Variants in SLC35F3 observed in about 807,000 individuals in gnomAD.
The protein encoded by SLC35F3 is solute carrier family 35 member F3, also known as putative thiamine transporter SLC35F3.
Under a neutral mutation model 49.9 loss-of-function variants are expected in SLC35F3, and 25 were observed. The ratio of observed to expected loss-of-function variants is 0.50; its 90% CI spans 0.37 to 0.70. SLC35F3 has a LOEUF of 0.70. Among genes scored for constraint, SLC35F3 ranks in the 30% least tolerant of loss-of-function variants. The pLI, the probability that SLC35F3 is intolerant of heterozygous loss-of-function variation, is 0.00. For synonymous variants in SLC35F3, 275 were observed against 265.4 expected (o/e 1.04, Z -0.35); for missense variants, 525 against 639.8 (o/e 0.82, Z 1.94).
intron 2 of SLC35F3, among the ~76,000 whole-genome samples, chr1:234,134,803 C>T (rs1025277571): frequency 6.6e-6 from 1 of 152,126 alleles, no homozygotes; most frequent in African/African-American, 2.4e-5. Context: ...TTCACTGCAA[C>T]CTCTGCCTCA....
intron 3 of SLC35F3, among the ~76,000 whole-genome samples, chr1:234,252,912 A>C (rs144204686): frequency 4.0e-4 from 61 of 152,348 alleles, no homozygotes; most frequent in African/African-American, 1.4e-3. Context: ...ATGGACGATA[A>C]AGTTTGAACA....
rs558693605 is a variant in SLC35F3, at chr1:234,210,787, G to A, written c.284-20630G>A. The stretch of plus-strand genomic sequence containing the variant: ...ATTTGTAGCCTCAATGCAATAGAAA[G>A]GAAAATCCCATTTTCCGGGGAGAAA... On this transcript the variant is annotated intron_variant, in intron 2 of 7. Coordinates refer to ENST00000366618, the MANE Select transcript of SLC35F3 (RefSeq NM_173508.4). Among the ~76,000 whole-genome samples, 103 of 152,350 alleles carry A rather than the reference G, an allele frequency of 6.8e-4. 1 individual carries two copies. The highest frequency in any genetic ancestry group is 2.4e-3 in the African/African-American group (101 of 41,588).
chr1:233,946,149 G>C (rs1348953008), intron 2 of SLC35F3, among the ~76,000 whole-genome samples: 1 of 152,208 alleles, frequency 6.6e-6, no homozygotes, highest in Non-Finnish European at 1.5e-5. Context: ...AGAAATACTT[G>C]ACAGAGCCCA....
chr1:234,234,739 G>T (rs1455420770), intron 3 of SLC35F3, among the ~76,000 whole-genome samples: 1 of 152,120 alleles, frequency 6.6e-6, no homozygotes, highest in Non-Finnish European at 1.5e-5. Flanking sequence ...TGCCACTCAT[G>T]ACGGGAGGCT....
intron 2 of SLC35F3, among the ~76,000 whole-genome samples, chr1:234,074,063 G>A (rs1664760481): frequency 6.6e-6 from 1 of 152,088 alleles, no homozygotes; most frequent in African/African-American, 2.4e-5. Context: ...TAATGTGCTT[G>A]GTGCTACATT....
chr1:234,225,664 T>C (rs934314457), intron 2 of SLC35F3, among the ~76,000 whole-genome samples: 3 of 152,220 alleles, frequency 2.0e-5, no homozygotes, highest in African/African-American at 7.2e-5. Context: ...ATTTGTTGAA[T>C]GAGTGGCCTA....
intron 2 of SLC35F3, among the ~76,000 whole-genome samples, chr1:234,170,110 A>G (rs1666378291): frequency 1.3e-5 from 2 of 151,946 alleles, no homozygotes; most frequent in African/African-American, 4.8e-5. Context: ...CTCCAGCCCC[A>G]CTCTCTCAGC....
At chr1:233,937,032 G>A (rs779613204) in intron 2 of SLC35F3, among the ~76,000 whole-genome samples, 56 of 152,132 alleles carry the variant, frequency 3.7e-4, no homozygotes, top group Non-Finnish European at 4.1e-4. Flanking sequence ...GTGATAACAA[G>A]ACTTGCCAGT....
intron 2 of SLC35F3, among the ~76,000 whole-genome samples, chr1:233,986,019 C>T (rs1324676186): frequency 2.6e-5 from 4 of 152,146 alleles, no homozygotes; most frequent in Non-Finnish European, 5.9e-5. Context: ...CCTTGAGCAA[C>T]TTACTTAAGG....
At chr1:233,954,466 A>G (rs1282572219) in intron 2 of SLC35F3, among the ~76,000 whole-genome samples, 1 of 152,148 alleles carries the variant, frequency 6.6e-6, no homozygotes, top group Non-Finnish European at 1.5e-5. Context: ...GTCTCAGAAA[A>G]CTAGAGTGCT....
intron 3 of SLC35F3, among the ~76,000 whole-genome samples, chr1:234,270,140 T>C (rs2102973917): frequency 6.6e-6 from 1 of 152,346 alleles, no homozygotes; most frequent in East Asian, 1.9e-4. Flanking sequence ...TTAAAAATTC[T>C]CACTAATACA....
intron 2 of SLC35F3, among the ~76,000 whole-genome samples, chr1:234,174,335 G>A (rs150983313): frequency 2.0e-5 from 3 of 152,330 alleles, no homozygotes; most frequent in South Asian, 4.1e-4. Context: ...CCTTCCATCT[G>A]TTAGTTCACT....
intron 2 of SLC35F3, among the ~76,000 whole-genome samples, chr1:233,965,708 T>A (rs1258941194): frequency 1.3e-5 from 2 of 152,172 alleles, no homozygotes; most frequent in African/African-American, 4.8e-5. Context: ...AGCCTCCAGA[T>A]GAGAACACAG....
At chr1:234,314,163 C>T (rs1325396490) in intron 4 of SLC35F3, among the ~76,000 whole-genome samples, 9 of 152,172 alleles carry the variant, frequency 5.9e-5, no homozygotes, top group Non-Finnish European at 8.8e-5. Flanking sequence ...GAGTCCCCCG[C>T]CTGCCTGTCA....
At chr1:233,916,559 T>C (rs1435379369) in intron 2 of SLC35F3, among the ~76,000 whole-genome samples, 2 of 152,270 alleles carry the variant, frequency 1.3e-5, no homozygotes, top group African/African-American at 4.8e-5. Context: ...TATAGGTTTA[T>C]CTGATTTAGC....
chr1:234,039,374 A>G (rs1664188124), intron 2 of SLC35F3, among the ~76,000 whole-genome samples: 1 of 152,208 alleles, frequency 6.6e-6, no homozygotes, highest in South Asian at 2.1e-4. Context: ...CAATGCATAG[A>G]AGTACAAGCT....
At chr1:233,924,615 T>C (rs6674826) in intron 2 of SLC35F3, among the ~76,000 whole-genome samples, 52,771 of 152,024 alleles carry the variant, frequency 0.35, 10,133 homozygotes, top group Middle Eastern at 0.44. Flanking sequence ...TGAAGGGTTT[T>C]TTGTTTCTCT....
At chr1:234,278,193 G>GA (rs896529572) in intron 3 of SLC35F3, among the ~76,000 whole-genome samples, 20 of 146,140 alleles carry the variant, frequency 1.4e-4, no homozygotes, top group Non-Finnish European at 2.1e-4. Context: ...ACCCCATCTC[G>GA]AAAAAAAAAT....
At chr1:233,968,104 G>T (rs1357815225) in intron 2 of SLC35F3, among the ~76,000 whole-genome samples, 1 of 152,168 alleles carries the variant, frequency 6.6e-6, no homozygotes, top group Admixed American at 6.5e-5. Context: ...AGAATCTGTC[G>T]CATGCCTCTC....
Sources: gnomAD v4.1 joint callset for allele counts (sites outside exome capture counted in the v4.1 genomes callset) on GRCh38, gnomAD v4.1.1 for gene constraint, MANE v1.5 for transcripts, NCBI Gene and HGNC (gene_info 2026-07-23, HGNC 2026-07-21) for gene names.